Variants in ZNF423 observed in about 807,000 individuals in gnomAD.
ZNF423 encodes zinc finger protein 423, also known as Ebf-associated zinc finger protein.
Under a neutral mutation model 95.8 loss-of-function variants are expected in ZNF423, and 12 were observed. That is an observed-to-expected ratio of 0.13 (90% confidence interval 0.08 to 0.20). The LOEUF is 0.20. Among genes scored for constraint, ZNF423 ranks in the 10% least tolerant of loss-of-function variants. The probability of loss-of-function intolerance (pLI) is 1.00; values close to 1 mark genes in which losing one functional copy is unlikely to be tolerated. For missense variants in ZNF423, 1,316 were observed against 1,737.1 expected, an observed-to-expected ratio of 0.76 and a Z score of 4.31; for synonymous variants, 749 against 711.9, an observed-to-expected ratio of 1.05 and a Z score of -0.83.
intron 1 of ZNF423, among the ~76,000 whole-genome samples, chr16:49,841,691 C>A (rs2035183839): frequency 6.6e-6 from 1 of 152,256 alleles, no homozygotes; most frequent in Admixed American, 6.5e-5. Flanking sequence ...TCCTAGGCTG[C>A]CTTGTCTGGT....
chr16:49,858,434 G>A (rs1434713304), upstream of ZNF423, among the ~76,000 whole-genome samples: 2 of 149,674 alleles, frequency 1.3e-5, no homozygotes, highest in Non-Finnish European at 3.0e-5. This position sits in a 1 kb window ranked among gnomAD's most constrained non-coding sequence, Gnocchi z 4.3. Context: ...AGGATGCGGA[G>A]AGGCCTGAGG....
At chr16:49,670,066 A>T (rs1037539556) in intron 3 of ZNF423, among the ~76,000 whole-genome samples, 4 of 125,686 alleles carry the variant, frequency 3.2e-5, no homozygotes, top group Admixed American at 1.6e-4. Context: ...AGAACAGAGG[A>T]AAAAAGGCCA....
chr16:49,827,207 C>T (rs895117008), intron 1 of ZNF423, among the ~76,000 whole-genome samples: 1 of 152,266 alleles, frequency 6.6e-6, no homozygotes, highest in East Asian at 1.9e-4. Flanking sequence ...CCACTTCTCC[C>T]GATCACCTGC....
intron 5 of ZNF423, among the ~76,000 whole-genome samples, chr16:49,616,838 G>A (rs951714084): frequency 3.3e-5 from 5 of 152,028 alleles, no homozygotes; most frequent in African/African-American, 7.2e-5. Context: ...TAGCATGGCC[G>A]GTTTTTCCTC....
chr16:49,525,611 C>G (rs1004130931), intron 5 of ZNF423, 117 bp from the exon 6 acceptor site: 7 of 1,442,658 alleles, frequency 4.9e-6, no homozygotes, highest in African/African-American at 4.2e-5. Flanking sequence ...AGCACCGGGG[C>G]TGGTGAAGGG....
intron 1 of ZNF423, among the ~76,000 whole-genome samples, chr16:49,838,710 C>T (rs2035148058): frequency 6.6e-6 from 1 of 151,790 alleles, no homozygotes; most frequent in Non-Finnish European, 1.5e-5. Flanking sequence ...GGCGGGCGGC[C>T]GGGGGGCGGC....
At chr16:49,808,084 C>A (rs2034693644) in intron 1 of ZNF423, among the ~76,000 whole-genome samples, 2 of 150,836 alleles carry the variant, frequency 1.3e-5, no homozygotes, top group South Asian at 4.2e-4. Context: ...TTTATAGGGA[C>A]AAAATCTTGC....
intron 1 of ZNF423, among the ~76,000 whole-genome samples, chr16:49,802,805 G>A (rs549383039): frequency 1.3e-5 from 2 of 152,306 alleles, no homozygotes; most frequent in East Asian, 1.9e-4. Flanking sequence ...CATGTACAAC[G>A]TAGAAAACTA....
chr16:49,757,935 C>T (rs1354133462), intron 2 of ZNF423, among the ~76,000 whole-genome samples: 1 of 152,188 alleles, frequency 6.6e-6, no homozygotes, highest in Non-Finnish European at 1.5e-5. Context: ...GGTCCCCCTG[C>T]CTGTGGTCAC....
intron 3 of ZNF423, among the ~76,000 whole-genome samples, chr16:49,680,721 G>A (rs2151936899): frequency 6.6e-6 from 1 of 152,338 alleles, no homozygotes; most frequent in East Asian, 1.9e-4. Context: ...GCTGTGTGAA[G>A]TGGCCGGACT....
chr16:49,691,770 T>C (rs1377818539), intron 3 of ZNF423, among the ~76,000 whole-genome samples: 1 of 151,726 alleles, frequency 6.6e-6, no homozygotes, highest in Non-Finnish European at 1.5e-5. Flanking sequence ...CGTTCACAAG[T>C]AACAGAGATG....
At chr16:49,721,175 T>A (rs950006214) in intron 3 of ZNF423, among the ~76,000 whole-genome samples, 133 of 152,296 alleles carry the variant, frequency 8.7e-4, no homozygotes, top group African/African-American at 3.2e-3. Flanking sequence ...CTGGAGCCAA[T>A]GAATCCTCTA....
chr16:49,822,600 C>A, intron 1 of ZNF423: 1 of 1,320,032 alleles, frequency 7.6e-7, no homozygotes. Flanking sequence ...GAACTAAGCT[C>A]TAGTTCGAGC....
intron 2 of ZNF423, among the ~76,000 whole-genome samples, chr16:49,763,271 TTTTTGTTTTG>T (rs912451232): frequency 1.3e-5 from 2 of 151,866 alleles, no homozygotes; most frequent in African/African-American, 2.4e-5. Context: ...TTGGTTTTTG[TTTTTGTTTTG>T]TTTTGTTTTG....
At chr16:49,559,385 G>A (rs1969944979) in intron 5 of ZNF423, among the ~76,000 whole-genome samples, 1 of 152,194 alleles carries the variant, frequency 6.6e-6, no homozygotes. Flanking sequence ...CATCAGCATG[G>A]GGCCAGATGG....
In ZNF423 at chr16:49,599,321, C is replaced by A. The variant is rs938436279; in HGVS notation, c.3601+26849G>T. On this transcript the variant is annotated intron_variant, in intron 5 of 7. Coordinates refer to ENST00000563137, the MANE Select transcript of ZNF423 (RefSeq NM_001379286.1). ...CCCTGCACACTCACCCCACTGCAAT[C>A]AGTATACAACAATCTGCGCCCAAGT... Among the ~76,000 whole-genome samples the A allele has an allele frequency of 2.6e-5, 4 of 152,210 alleles. No homozygotes were observed. In the South Asian group the frequency reaches 6.2e-4, roughly 24 times the overall value.
chr16:49,766,975 CTTT>C (rs1266592994), intron 2 of ZNF423, among the ~76,000 whole-genome samples: 1 of 144,808 alleles, frequency 6.9e-6, no homozygotes. Context: ...TTCTTTCTTT[CTTT>C]TTTTTTTTTA....
At chr16:49,589,671 A>C (rs1249776002) in intron 5 of ZNF423, among the ~76,000 whole-genome samples, 6 of 152,148 alleles carry the variant, frequency 3.9e-5, no homozygotes, top group African/African-American at 1.4e-4. Context: ...GAGCCATAGC[A>C]AGGCTGATAA....
chr16:49,763,562 T>G (rs1339250245), intron 2 of ZNF423, among the ~76,000 whole-genome samples: 1 of 152,074 alleles, frequency 6.6e-6, no homozygotes, highest in Non-Finnish European at 1.5e-5. Flanking sequence ...CACATGTCCC[T>G]CCAAAGGCAG....
Sources: allele counts gnomAD v4.1 joint callset (sites outside exome capture counted in the v4.1 genomes callset), GRCh38; gene constraint gnomAD v4.1.1; non-coding constraint Gnocchi (gnomAD v3.1); transcripts MANE v1.5; gene names NCBI Gene and HGNC (gene_info 2026-07-23, HGNC 2026-07-21).